Variants in MARCHF3 observed in about 807,000 individuals in gnomAD.
The protein encoded by MARCHF3 is E3 ubiquitin-protein ligase MARCHF3.
In MARCHF3, 13 loss-of-function variants were observed where a neutral mutation model predicts 24.2. The observed-to-expected ratio is 0.54, with a 90% CI of 0.35 to 0.85. The LOEUF is 0.85. Among genes scored for constraint, MARCHF3 ranks in the 40% least tolerant of loss-of-function variants. The pLI is 0.01. For synonymous variants in MARCHF3, 144 were observed against 137.3 expected (o/e 1.05, Z -0.34); for missense variants, 276 against 325.0 (o/e 0.85, Z 1.16).
At chr5:127,010,264 T>C (rs548776973) in intron 1 of MARCHF3, among the ~76,000 whole-genome samples, 1 of 152,360 alleles carries the variant, frequency 6.6e-6, no homozygotes, top group African/African-American at 2.4e-5. Flanking sequence ...AAGGTTTAGA[T>C]ATTTATTAGT....
At chr5:126,959,130 T>C (rs1190299873) in intron 1 of MARCHF3, among the ~76,000 whole-genome samples, 1 of 152,080 alleles carries the variant, frequency 6.6e-6, no homozygotes, top group African/African-American at 2.4e-5. Context: ...GGCTATAGTA[T>C]GGAAAGGGGG....
chr5:126,919,574 C>T (rs1749030222), intron 1 of MARCHF3, among the ~76,000 whole-genome samples: 1 of 152,220 alleles, frequency 6.6e-6, no homozygotes, highest in South Asian at 2.1e-4. Flanking sequence ...CCTTGATCCC[C>T]ATGGTTCTGG....
rs200703663 is a variant in MARCHF3, at chr5:126,915,005, T to A, written c.318A>T (p.Ser106=). The A allele has an allele frequency of 1.2e-5, 20 of 1,614,076 alleles. No individual in the cohort carries two copies. The Admixed American group carries it at 2.2e-4, about 17-fold the overall frequency. Residue 106 remains serine (S), a synonymous_variant, in exon 3 of 5, where the codon TCA becomes TCT. Transcript: ENST00000308660. ...GTTCACAGTAGCTGGTGTTTGAGGA[T>A]GACAGCCAGTGCTCCAGGCAGCTCC... The part of the protein sequence containing the change: ...IHRSCLEHWL[S]SSNTSYCELC...
chr5:127,005,937 C>T (rs1752298949), intron 1 of MARCHF3, among the ~76,000 whole-genome samples: 1 of 152,032 alleles, frequency 6.6e-6, no homozygotes, highest in Admixed American at 6.6e-5. Context: ...GGTGGTGGCT[C>T]ATGCCTGTAA....
chr5:126,972,379 T>C (rs1277451491), intron 1 of MARCHF3, among the ~76,000 whole-genome samples: 1 of 152,204 alleles, frequency 6.6e-6, no homozygotes, highest in Non-Finnish European at 1.5e-5. Context: ...AAGTATCTGT[T>C]CATTCATAAT....
chr5:126,912,702 C>G (rs1161649444), intron 3 of MARCHF3, among the ~76,000 whole-genome samples: 1 of 152,116 alleles, frequency 6.6e-6, no homozygotes, highest in Non-Finnish European at 1.5e-5. Context: ...AAAACTCTGC[C>G]CGCACCTGGT....
chr5:126,974,640 G>T (rs941019365), intron 1 of MARCHF3, among the ~76,000 whole-genome samples: 3 of 152,184 alleles, frequency 2.0e-5, no homozygotes, highest in African/African-American at 7.2e-5. Flanking sequence ...AGCACTGTTT[G>T]TCAGATGAAC....
At chr5:126,978,922 T>C (rs1252769992) in intron 1 of MARCHF3, among the ~76,000 whole-genome samples, 3 of 152,224 alleles carry the variant, frequency 2.0e-5, no homozygotes, top group African/African-American at 7.2e-5. Flanking sequence ...CTGGCTGAAC[T>C]ATCAATGGGA....
intron 1 of MARCHF3, among the ~76,000 whole-genome samples, chr5:126,993,716 T>C (rs187816410): frequency 3.9e-5 from 6 of 152,300 alleles, no homozygotes; most frequent in Admixed American, 3.9e-4. Context: ...AATAAAAAAT[T>C]TAACCCTTTG....
chr5:126,999,848 AC>A (rs978177882), intron 1 of MARCHF3, among the ~76,000 whole-genome samples: 51 of 152,226 alleles, frequency 3.4e-4, no homozygotes, highest in African/African-American at 1.1e-3. Flanking sequence ...GAAATCAGCT[AC>A]CCCATTGAAT....
intron 1 of MARCHF3, among the ~76,000 whole-genome samples, chr5:126,966,765 T>C (rs577535533): frequency 5.9e-5 from 9 of 152,190 alleles, no homozygotes; most frequent in Admixed American, 1.3e-4. Flanking sequence ...TGTGCTATTC[T>C]GTAATACAGT....
intron 3 of MARCHF3, among the ~76,000 whole-genome samples, chr5:126,882,550 C>T (rs1222441862): frequency 6.6e-6 from 1 of 152,164 alleles, no homozygotes; most frequent in Non-Finnish European, 1.5e-5. Flanking sequence ...CCTTTCTTAT[C>T]AGTTATGGGG....
At chr5:126,941,078 T>C (rs1386010114) in intron 1 of MARCHF3, among the ~76,000 whole-genome samples, 1 of 152,194 alleles carries the variant, frequency 6.6e-6, no homozygotes, top group Admixed American at 6.5e-5. Context: ...ACCACAAGTT[T>C]ACAAAATTTT....
intron 3 of MARCHF3, among the ~76,000 whole-genome samples, chr5:126,883,126 TTG>T (rs1753395562): frequency 1.3e-5 from 2 of 152,246 alleles, no homozygotes; most frequent in African/African-American, 4.8e-5. Context: ...TCCTGCCCAC[TTG>T]TGGACAGCTT....
At chr5:126,950,308 A>G (rs1561442673) in intron 1 of MARCHF3, among the ~76,000 whole-genome samples, 1 of 152,184 alleles carries the variant, frequency 6.6e-6, no homozygotes, top group Non-Finnish European at 1.5e-5. Context: ...AGACTCAGTG[A>G]GCCCTTAATG....
At chr5:126,895,291 A>T (rs1027978307) in intron 3 of MARCHF3, among the ~76,000 whole-genome samples, 2 of 152,068 alleles carry the variant, frequency 1.3e-5, no homozygotes, top group African/African-American at 2.4e-5. Context: ...TGATCGTCTG[A>T]AGCCTTCTTC....
chr5:127,001,221 G>C (rs1263280418), intron 1 of MARCHF3, among the ~76,000 whole-genome samples: 2 of 151,374 alleles, frequency 1.3e-5, no homozygotes. Context: ...CTGGGTGACA[G>C]AGCGAGACTT....
intron 1 of MARCHF3, among the ~76,000 whole-genome samples, chr5:126,973,690 C>T (rs2240528): frequency 0.55 from 84,038 of 151,930 alleles, 24,022 homozygotes; most frequent in East Asian, 0.79. Flanking sequence ...GGATTACTGC[C>T]TCTGTGCAAT....
intron 1 of MARCHF3, among the ~76,000 whole-genome samples, chr5:127,010,805 G>GTAT (rs1358476146): frequency 2.0e-5 from 3 of 152,076 alleles, no homozygotes; most frequent in Non-Finnish European, 2.9e-5. Context: ...CTGTAATGTT[G>GTAT]GCTACAAAAG....
Sources: gnomAD v4.1 joint callset for allele counts (sites outside exome capture counted in the v4.1 genomes callset) on GRCh38, gnomAD v4.1.1 for gene constraint, MANE v1.5 for transcripts, NCBI Gene and HGNC (gene_info 2026-07-23, HGNC 2026-07-21) for gene names.